The following MME variants were observed in gnomAD, a reference collection of about 807,000 sequenced individuals.
MME encodes the protein neprilysin.
Under a neutral mutation model 113.2 loss-of-function variants are expected in MME, and 98 were observed. That is an observed-to-expected ratio of 0.87 (90% CI 0.74 to 1.02). The LOEUF (loss-of-function observed/expected upper bound fraction) is 1.02, where lower values mean the gene tolerates loss of function less well. Ranked by LOEUF, MME falls within the 50% of genes least tolerant of loss-of-function variation. The pLI, the probability that MME is intolerant of heterozygous loss-of-function variation, is 0.00. For synonymous variants in MME, 292 were observed against 300.6 expected, an observed-to-expected ratio of 0.97 and a Z score of 0.30; for missense variants, 836 against 896.0, an observed-to-expected ratio of 0.93 and a Z score of 0.86.
chr3:155,104,853 T>G (rs1028413865), intron 3 of MME, among the ~76,000 whole-genome samples: 1 of 152,254 alleles, frequency 6.6e-6, no homozygotes, highest in Non-Finnish European at 1.5e-5. Context: ...TCATTTTAAG[T>G]GATATATTGT....
chr3:155,119,163 TG>T (rs1041069482), intron 8 of MME, among the ~76,000 whole-genome samples: 21 of 152,320 alleles, frequency 1.4e-4, no homozygotes, highest in African/African-American at 4.8e-4. Flanking sequence ...AGGGTGGTGC[TG>T]GTGAGGACCA....
intron 13 of MME, 107 bp downstream of exon 13, chr3:155,143,678 T>G: frequency 7.5e-7 from 1 of 1,336,554 alleles, no homozygotes; most frequent in Middle Eastern, 2.0e-4. Context: ...TTTTATTAAT[T>G]TAGGCAGAGA....
intron 3 of MME, among the ~76,000 whole-genome samples, chr3:155,103,475 A>T (rs1281671149): frequency 6.6e-6 from 1 of 152,136 alleles, no homozygotes; most frequent in Non-Finnish European, 1.5e-5. Flanking sequence ...CAATAAAGTC[A>T]ATTACGCTCT....
chr3:155,056,724 C>G (rs1032573782), intron 1 of MME, among the ~76,000 whole-genome samples: 1 of 152,036 alleles, frequency 6.6e-6, no homozygotes, highest in Non-Finnish European at 1.5e-5. Flanking sequence ...AATGGTATTT[C>G]TAGTTCTAGA....
chr3:155,125,420 A>G (rs903095355), intron 8 of MME, among the ~76,000 whole-genome samples: 15 of 115,138 alleles, frequency 1.3e-4, no homozygotes, highest in African/African-American at 4.9e-4. Flanking sequence ...AGCTGTTCCT[A>G]TTCGGCCAAC....
intron 1 of MME, among the ~76,000 whole-genome samples, chr3:155,039,592 AT>A (rs1392393291): frequency 3.3e-5 from 5 of 152,202 alleles, no homozygotes; most frequent in African/African-American, 1.2e-4. Flanking sequence ...AGGAATCTCC[AT>A]AAAATTTGCC....
At chr3:155,092,145 G>A (rs961929954) in intron 3 of MME, among the ~76,000 whole-genome samples, 2 of 152,224 alleles carry the variant, frequency 1.3e-5, no homozygotes, top group Non-Finnish European at 2.9e-5. Context: ...AATGGTGGTA[G>A]AGTGTGGATC....
chr3:155,160,303 A>G (rs1722621596), intron 16 of MME, 87 bp from the exon 17 acceptor site: 3 of 910,606 alleles, frequency 3.3e-6, no homozygotes, highest in Non-Finnish European at 5.5e-6. Context: ...AGATTCATCT[A>G]GGAATGGTAA....
upstream of MME, chr3:155,079,507 C>G (rs963779986): frequency 3.3e-5 from 5 of 152,406 alleles, no homozygotes; most frequent in Admixed American, 2.0e-4. Flanking sequence ...CCACCGCCCG[C>G]CCCCCGTCTC....
intron 8 of MME, among the ~76,000 whole-genome samples, chr3:155,136,767 A>G (rs1295830952): frequency 6.6e-6 from 1 of 152,192 alleles, no homozygotes. Flanking sequence ...TTCCACTTCT[A>G]ATTGTTCCAT....
chr3:155,086,120 G>A (rs890168693), intron 3 of MME, among the ~76,000 whole-genome samples: 2 of 152,134 alleles, frequency 1.3e-5, no homozygotes, highest in African/African-American at 4.8e-5. Flanking sequence ...GCAGGTGGGG[G>A]CTGCTTCTGT....
chr3:155,063,032 CAAAAA>C lies in MME; in HGVS notation c.-10-21113_-10-21109del, dbSNP rs772216166. On this transcript the variant is annotated intron_variant, in intron 1 of 22. Coordinates refer to the MME transcript ENST00000492661. Reference sequence around the variant, plus strand: ...CTTGGGACAGACTGAGACTCCATCTCAAAAAAAAAAAAAAAAAGAAAGGAAAGAAC... The same window carrying C: ...CTTGGGACAGACTGAGACTCCATCTCAAAAAAAAAAAAGAAAGGAAAGAAC... 9.3e-3 allele frequency among the ~76,000 whole-genome samples: 578 copies of C among 61,828 alleles called. 5 individuals are homozygous for C. Among genetic ancestry groups the C allele is most frequent in the African/African-American group, 0.031 (560 of 18,212 alleles). The allele number at this position is 61,828 out of a possible 152,430, so 40.6% of individuals were successfully genotyped here. A position where few individuals can be genotyped will look rare whatever the true frequency, so the allele number is the denominator to read the frequency against.
intron 1 of MME, among the ~76,000 whole-genome samples, chr3:155,061,556 A>T (rs1251617093): frequency 6.6e-6 from 1 of 151,790 alleles, no homozygotes; most frequent in Non-Finnish European, 1.5e-5. Context: ...CACATTACAA[A>T]CCTGTATTTG....
Position 155,084,193 on chromosome 3 carries a change from A to G in MME, c.26A>G (p.Asp9Gly), listed in dbSNP as rs762748390. 1.9e-6 allele frequency: 3 copies of G among 1,614,132 alleles called. No homozygotes were observed. The highest frequency in any genetic ancestry group is 2.2e-5 in the East Asian group (1 of 44,874). The change falls in exon 2 of 23, where the codon GAT becomes GGT. Residue 9 changes from aspartate to glycine, a missense_variant. Transcript: ENST00000360490. ...ATGGGCAAGTCAGAAAGTCAGATGG[A>G]TATAACTGATATCAACACTCCAAAG... MGKSESQM[D>G]ITDINTPKPK...
intron 3 of MME, among the ~76,000 whole-genome samples, chr3:155,092,491 T>G (rs892406640): frequency 1.2e-4 from 19 of 152,334 alleles, no homozygotes; most frequent in African/African-American, 4.1e-4. Flanking sequence ...CCAGCAATTC[T>G]ACTCCTAGGT....
chr3:155,117,713 T>A lies in MME; in HGVS notation c.654+727T>A, dbSNP rs535238322. Among the ~76,000 whole-genome samples the A allele has an allele frequency of 2.0e-5, 3 of 152,148 alleles. No homozygotes were observed. The East Asian group carries it at 5.8e-4, about 29-fold the overall frequency. On this transcript the variant is annotated intron_variant, in intron 7 of 22. Coordinates refer to ENST00000360490, the MANE Select transcript of MME (RefSeq NM_007289.4). Reference sequence around the variant, plus strand: ...CATAAATCTTTATGGTCGTTTTTGTTAAAATCATGAAAGGAATTGAACCCA... The same window carrying A: ...CATAAATCTTTATGGTCGTTTTTGTAAAAATCATGAAAGGAATTGAACCCA...
At chr3:155,098,486 G>T (rs561728679) in intron 3 of MME, among the ~76,000 whole-genome samples, 2 of 152,036 alleles carry the variant, frequency 1.3e-5, no homozygotes, top group African/African-American at 4.8e-5. Flanking sequence ...AACCCAGGAG[G>T]TGGAGGTTGC....
intron 1 of MME, among the ~76,000 whole-genome samples, chr3:155,043,951 A>T (rs1713451710): frequency 6.6e-6 from 1 of 152,086 alleles, no homozygotes; most frequent in Non-Finnish European, 1.5e-5. Flanking sequence ...TAATTAATTT[A>T]GCATTAATTG....
At chr3:155,084,819 G>A (rs61762322) in intron 2 of MME, among the ~76,000 whole-genome samples, 5 of 152,108 alleles carry the variant, frequency 3.3e-5, no homozygotes, top group African/African-American at 7.2e-5. Flanking sequence ...CTGGGGCTTC[G>A]TTGGTAGAGA....
Sources: allele counts gnomAD v4.1 joint callset (sites outside exome capture counted in the v4.1 genomes callset), GRCh38; gene constraint gnomAD v4.1.1; transcripts MANE v1.5; gene names NCBI Gene and HGNC (gene_info 2026-07-23, HGNC 2026-07-21).